Variants in SDK2 observed in about 807,000 individuals in gnomAD.
The protein encoded by SDK2 is protein sidekick-2.
In SDK2, 105 loss-of-function variants were observed where a neutral mutation model predicts 253.9. The observed-to-expected ratio is 0.41, with a 90% CI of 0.35 to 0.49. The LOEUF is 0.49. Ranked by LOEUF, SDK2 falls within the 20% of genes least tolerant of loss-of-function variation. The probability of loss-of-function intolerance (pLI) is 0.06; values close to 1 mark genes in which losing one functional copy is unlikely to be tolerated. For missense variants in SDK2, 2,608 were observed against 3,003.0 expected (o/e 0.87, Z 3.07); for synonymous variants, 1,249 against 1,234.9 (o/e 1.01, Z -0.24).
chr17:73,638,011 C>T (rs1242196700), intron 1 of SDK2, among the ~76,000 whole-genome samples: 2 of 152,210 alleles, frequency 1.3e-5, no homozygotes, highest in South Asian at 2.1e-4. Flanking sequence ...GATGCATCTG[C>T]GGGAGCTGCT....
chr17:73,552,116 C>G (rs1355020288), intron 1 of SDK2, among the ~76,000 whole-genome samples: 1 of 152,070 alleles, frequency 6.6e-6, no homozygotes, highest in Non-Finnish European at 1.5e-5. Flanking sequence ...GGGCCCAGCT[C>G]TAAATCTCTC....
In SDK2 at chr17:73,361,621, C is replaced by T; in HGVS notation, c.5467+63G>A. The T allele has an allele frequency of 6.4e-7, 1 of 1,550,658 alleles. No individual in the cohort carries two copies. Among genetic ancestry groups the T allele is most frequent in the Non-Finnish European group, 8.8e-7 (1 of 1,132,390 alleles). On this transcript the variant is annotated intron_variant, in intron 39 of 44. Transcript: ENST00000392650. The surrounding 1 kb of genome is among the most constrained non-coding windows in gnomAD (Gnocchi z 4.1). ...CAGCACAGCTCTTGACACCGGGGGC[C>T]CCTTCTGACTGGGGACGCTGAACCG...
rs200640582 is a variant in SDK2, at chr17:73,570,223, TGCCTCCTAAGCAC to T, written c.65-62639_65-62627del. Among the ~76,000 whole-genome samples the T allele has an allele frequency of 0.15, 23,382 of 151,936 alleles. 1,902 individuals are homozygous for T. The highest frequency in any genetic ancestry group is 0.2 in the South Asian group (953 of 4,808). On this transcript the variant is annotated intron_variant, in intron 1 of 44. Transcript: ENST00000392650. This position sits in a 1 kb window ranked among gnomAD's most constrained non-coding sequence, Gnocchi z 4.2. ...TACCTCCCCTCCCTGTTTACACCCC[TGCCTCCTAAGCAC>T]AGCCCGGCCTCAACATGCATCTCCT...
chr17:73,393,522 T>G (rs752196606), intron 27 of SDK2, 38 bp downstream of exon 27: 1 of 1,486,114 alleles, frequency 6.7e-7, no homozygotes. Context: ...GGGCGGCTCC[T>G]CCCAGCCTTC....
intron 2 of SDK2, 126 bp downstream of exon 2, chr17:73,507,312 C>T (rs2063943499): frequency 9.5e-7 from 1 of 1,048,914 alleles, no homozygotes; most frequent in Non-Finnish European, 1.3e-6. Context: ...CACTCACTTC[C>T]AGAACTCCAG....
rs545318832 is a variant in SDK2 at position 73,452,381 on chromosome 17, T to TTGC, written c.479+3522_479+3524dup. Among the ~76,000 whole-genome samples the TTGC allele has an allele frequency of 3.7e-3, 566 of 152,210 alleles. 2 individuals are homozygous for TTGC. The highest frequency in any genetic ancestry group is 0.013 in the African/African-American group (538 of 41,514). ...TTTCTGCTCACTTATGAATATTAAT[T>TTGC]TGCTGTAATTGCCAGGATAAAACCC... On this transcript the variant is annotated intron_variant, in intron 4 of 44. Transcript: ENST00000392650.
intron 1 of SDK2, among the ~76,000 whole-genome samples, chr17:73,559,598 G>GCC (rs10633523): frequency 0.26 from 31,536 of 122,016 alleles, 4,421 homozygotes; most frequent in Middle Eastern, 0.36. Context: ...CGCTCCCTGT[G>GCC]CCCCCCGCCC....
rs566767673 is a variant in SDK2, at chr17:73,642,113, C to T, written c.64+1912G>A. On this transcript the variant is annotated intron_variant, in intron 1 of 44. Coordinates refer to ENST00000392650, the MANE Select transcript of SDK2 (RefSeq NM_001144952.2). The surrounding 1 kb of genome is among the most constrained non-coding windows in gnomAD (Gnocchi z 4.7). ...ACAGGGAAGCCCCTCCCGCAGGAGGCGCAGGGACAGGGGGCCACCTGGCCT... is the reference window on the plus strand; with the variant it reads ...ACAGGGAAGCCCCTCCCGCAGGAGGTGCAGGGACAGGGGGCCACCTGGCCT... Among the ~76,000 whole-genome samples, 7 of 152,308 alleles carry T rather than the reference C, an allele frequency of 4.6e-5. No homozygotes were observed. The highest frequency in any genetic ancestry group is 4.1e-4 in the South Asian group (2 of 4,828).
At chr17:73,640,093 G>T (rs1001046066) in intron 1 of SDK2, among the ~76,000 whole-genome samples, 1 of 152,134 alleles carries the variant, frequency 6.6e-6, no homozygotes, top group Non-Finnish European at 1.5e-5. Context: ...AGCCATTCAG[G>T]CGCTGTTTAA....
chr17:73,420,697 A>G (rs2063222106), intron 15 of SDK2, among the ~76,000 whole-genome samples: 1 of 149,192 alleles, frequency 6.7e-6, no homozygotes, highest in African/African-American at 2.5e-5. Context: ...GTTTTTGAGG[A>G]AAGATTTCAC....
intron 27 of SDK2, among the ~76,000 whole-genome samples, chr17:73,392,880 G>A (rs1410183649): frequency 6.6e-6 from 1 of 152,246 alleles, no homozygotes; most frequent in Admixed American, 6.5e-5. Flanking sequence ...AACAGGACCA[G>A]GAGGTTCGTG....
chr17:73,562,145 T>A (rs2145853305), intron 1 of SDK2, among the ~76,000 whole-genome samples: 1 of 151,842 alleles, frequency 6.6e-6, no homozygotes, highest in South Asian at 2.1e-4. Context: ...ACAAATAACA[T>A]CTTAATATAA....
At chr17:73,495,862 G>A (rs1211432413) in intron 2 of SDK2, among the ~76,000 whole-genome samples, 1 of 152,154 alleles carries the variant, frequency 6.6e-6, no homozygotes, top group Non-Finnish European at 1.5e-5. Flanking sequence ...CCCTCTGCCT[G>A]AGTACACTGG....
At chr17:73,489,727 C>T (rs2063792644) in intron 2 of SDK2, among the ~76,000 whole-genome samples, 1 of 152,212 alleles carries the variant, frequency 6.6e-6, no homozygotes, top group South Asian at 2.1e-4. Context: ...TGAAGGCCAG[C>T]ATTGACCCTC....
chr17:73,484,067 A>T (rs1208805173), intron 2 of SDK2, among the ~76,000 whole-genome samples: 1 of 152,052 alleles, frequency 6.6e-6, no homozygotes, highest in Non-Finnish European at 1.5e-5. Context: ...CTCGATTACA[A>T]TTGTGCTTTA....
intron 1 of SDK2, among the ~76,000 whole-genome samples, chr17:73,596,515 T>G (rs959137650): frequency 1.3e-5 from 2 of 152,312 alleles, no homozygotes; most frequent in African/African-American, 4.8e-5. Flanking sequence ...ATACATATTC[T>G]GCATTCTCTC....
Position 73,436,282 on chromosome 17 carries a change from T to C in SDK2, c.1001-638A>G, listed in dbSNP as rs144952330. Among the ~76,000 whole-genome samples the C allele has an allele frequency of 5.7e-3, 675 of 119,396 alleles. 5 individuals are homozygous for C. The highest frequency in any genetic ancestry group is 0.021 in the African/African-American group (645 of 31,414). 78.3% of individuals were successfully genotyped at this position (119,396 alleles called of 152,430 possible). A position where few individuals can be genotyped will look rare whatever the true frequency, so the allele number is the denominator to read the frequency against. ...CAGCCTGGCACATTGTTTTCATAAGTTCCCCCAGCTGGGCTGGGCCGTGGT... is the reference window on the plus strand; with the variant it reads ...CAGCCTGGCACATTGTTTTCATAAGCTCCCCCAGCTGGGCTGGGCCGTGGT... On this transcript the variant is annotated intron_variant, in intron 8 of 44. Coordinates refer to ENST00000392650, the MANE Select transcript of SDK2 (RefSeq NM_001144952.2).
At chr17:73,391,307 G>T in intron 28 of SDK2, 133 bp downstream of exon 28, 1 of 425,782 alleles carries the variant, frequency 2.3e-6, no homozygotes, top group Non-Finnish European at 4.2e-6. Context: ...CTAACACCCA[G>T]ATCCCATTCT....
intron 1 of SDK2, among the ~76,000 whole-genome samples, chr17:73,613,601 A>AG (rs2046007618): frequency 8.4e-5 from 4 of 47,634 alleles, no homozygotes; most frequent in East Asian, 8.8e-4. Flanking sequence ...CCCCACCCCC[A>AG]CCCCCAGCCC....
Sources: allele counts gnomAD v4.1 joint callset (sites outside exome capture counted in the v4.1 genomes callset), GRCh38; gene constraint gnomAD v4.1.1; non-coding constraint Gnocchi (gnomAD v3.1); transcripts MANE v1.5; gene names NCBI Gene and HGNC (gene_info 2026-07-23, HGNC 2026-07-21).